Variants in NOL4 observed in about 807,000 individuals in gnomAD.
The protein encoded by NOL4 is cancer/testis antigen 125.
NOL4 carries 17 observed loss-of-function variants against 75.9 expected under a neutral mutation model. That is an observed-to-expected ratio of 0.22 (90% confidence interval 0.15 to 0.34). The LOEUF is 0.34. NOL4 is among the 10% of genes least tolerant of loss of function. NOL4 has a pLI of 1.00. For synonymous variants in NOL4, 292 were observed against 289.9 expected (o/e 1.01, Z -0.07); for missense variants, 614 against 793.5 (o/e 0.77, Z 2.72).
chr18:33,904,229 T>TGGAC lies in NOL4; in HGVS notation c.1543-20809_1543-20806dup, dbSNP rs576775644. 7.9e-5 allele frequency among the ~76,000 whole-genome samples: 12 copies of TGGAC among 152,186 alleles called. 1 individual carries two copies. The highest frequency in any genetic ancestry group is 7.9e-4 in the Admixed American group (12 of 15,264). On this transcript the variant is annotated intron_variant, in intron 9 of 10. Transcript: ENST00000261592. ...ATAGGGGTCCCATCGAGGGATAGTA[T>TGGAC]GGACCTAGGGCAGGTAGCCACACTA...
intron 8 of NOL4, among the ~76,000 whole-genome samples, chr18:33,948,652 T>G (rs1481336781): frequency 3.3e-5 from 5 of 151,970 alleles, no homozygotes; most frequent in Non-Finnish European, 7.4e-5. Context: ...AGTCAGAAAA[T>G]TATAAATAAG....
intron 9 of NOL4, among the ~76,000 whole-genome samples, chr18:33,919,911 G>T (rs1457039833): frequency 6.6e-6 from 1 of 152,082 alleles, no homozygotes; most frequent in African/African-American, 2.4e-5. Context: ...ATAGATGGGG[G>T]GCTGTGTGTG....
chr18:34,162,630 T>C (rs1199375874), intron 1 of NOL4, among the ~76,000 whole-genome samples: 1 of 152,272 alleles, frequency 6.6e-6, no homozygotes, highest in South Asian at 2.1e-4. Context: ...CAGGACCAGA[T>C]GGATTCACAG....
chr18:33,860,201 C>G (rs114964324), intron 10 of NOL4, among the ~76,000 whole-genome samples: 2,111 of 152,180 alleles, frequency 0.014, 47 homozygotes, highest in African/African-American at 0.048. Context: ...CCCACCAGGT[C>G]CCTCCCAAAA....
At chr18:34,075,554 T>C (rs1417429010) in intron 5 of NOL4, among the ~76,000 whole-genome samples, 1 of 152,196 alleles carries the variant, frequency 6.6e-6, no homozygotes. Flanking sequence ...CTTTTGAGCA[T>C]TTTGGGTTTC....
rs567901497 is a variant in NOL4 at position 33,892,627 on chromosome 18, C to T, written c.1543-9203G>A. Among the ~76,000 whole-genome samples, 5 of 117,382 alleles carry T rather than the reference C, an allele frequency of 4.3e-5. No individual in the cohort carries two copies. The East Asian group carries it at 8.5e-4, about 20-fold the overall frequency. The allele number at this position is 117,382 out of a possible 152,430, so 77.0% of individuals were successfully genotyped here. Reference sequence around the variant, plus strand: ...ATTTTATTCACCATGAAGTAATTTTCTTTTCTTCTTCTTCTCCTTCTCCTT... The same window carrying T: ...ATTTTATTCACCATGAAGTAATTTTTTTTTCTTCTTCTTCTCCTTCTCCTT... On this transcript the variant is annotated intron_variant, in intron 9 of 10. Transcript: ENST00000261592.
chr18:34,072,962 T>C (rs1261662771), intron 5 of NOL4, among the ~76,000 whole-genome samples: 2 of 152,138 alleles, frequency 1.3e-5, no homozygotes, highest in Non-Finnish European at 2.9e-5. Flanking sequence ...GAAAGAAATA[T>C]ATAGTTTTAT....
At chr18:34,152,537 A>G (rs1243929171) in intron 1 of NOL4, among the ~76,000 whole-genome samples, 1 of 151,952 alleles carries the variant, frequency 6.6e-6, no homozygotes, top group East Asian at 1.9e-4. Flanking sequence ...TCACTCTTGC[A>G]TACATTACTA....
chr18:33,889,671 T>C (rs576113379), intron 9 of NOL4, among the ~76,000 whole-genome samples: 1 of 152,112 alleles, frequency 6.6e-6, no homozygotes, highest in South Asian at 2.1e-4. Context: ...CAACAGCACA[T>C]CAAAAAGTTT....
At chr18:33,930,357 T>C (rs995341777) in intron 9 of NOL4, among the ~76,000 whole-genome samples, 1 of 152,122 alleles carries the variant, frequency 6.6e-6, no homozygotes, top group East Asian at 1.9e-4. Context: ...GGTAAGATGG[T>C]AAGTTTTCAG....
At chr18:34,207,565 C>T in intron 1 of NOL4, among the ~76,000 whole-genome samples, 1 of 152,204 alleles carries the variant, frequency 6.6e-6, no homozygotes, top group Non-Finnish European at 1.5e-5. Context: ...ATATTCTGCA[C>T]ATTCTTAGCT....
At chr18:34,015,681 G>A (rs1353455710) in intron 6 of NOL4, among the ~76,000 whole-genome samples, 1 of 151,800 alleles carries the variant, frequency 6.6e-6, no homozygotes, top group South Asian at 2.1e-4. Context: ...TCTTTAAAAT[G>A]TCTCTCTCTC....
intron 1 of NOL4, among the ~76,000 whole-genome samples, chr18:34,165,376 G>C (rs920367108): frequency 2.6e-5 from 4 of 152,006 alleles, no homozygotes; most frequent in African/African-American, 9.7e-5. Flanking sequence ...TAATTGAATG[G>C]GAAAGTAAGT....
chr18:34,057,832 C>G (rs2076894683), intron 5 of NOL4, among the ~76,000 whole-genome samples: 1 of 152,122 alleles, frequency 6.6e-6, no homozygotes, highest in Non-Finnish European at 1.5e-5. Context: ...AATTATTACA[C>G]AGTGTAAGTT....
At chr18:34,032,237 C>T (rs754388854) in intron 5 of NOL4, among the ~76,000 whole-genome samples, 8 of 152,178 alleles carry the variant, frequency 5.3e-5, no homozygotes, top group Non-Finnish European at 8.8e-5. Context: ...GCTGCTGCCA[C>T]GGAAGGTAGC....
At chr18:34,014,746 C>T (rs1002517106) in intron 6 of NOL4, among the ~76,000 whole-genome samples, 6 of 151,978 alleles carry the variant, frequency 3.9e-5, no homozygotes, top group Non-Finnish European at 8.8e-5. Flanking sequence ...TATCACCTAA[C>T]TTCATTCAGT....
intron 5 of NOL4, among the ~76,000 whole-genome samples, chr18:34,091,409 G>T (rs933158865): frequency 6.6e-6 from 1 of 151,824 alleles, no homozygotes; most frequent in Non-Finnish European, 1.5e-5. Context: ...CTTGACAGAA[G>T]GAGTTTGCCC....
At chr18:34,084,295 T>C (rs750480630) in intron 5 of NOL4, among the ~76,000 whole-genome samples, 1 of 152,238 alleles carries the variant, frequency 6.6e-6, no homozygotes, top group East Asian at 1.9e-4. Flanking sequence ...TCCAAGATAC[T>C]GCGGTCGCCC....
At chr18:33,874,068 G>A (rs2063821597) in intron 10 of NOL4, among the ~76,000 whole-genome samples, 1 of 151,898 alleles carries the variant, frequency 6.6e-6, no homozygotes, top group Non-Finnish European at 1.5e-5. Context: ...GATCATGGTA[G>A]AGAACTGGAT....
Sources: allele counts gnomAD v4.1 joint callset (sites outside exome capture counted in the v4.1 genomes callset), GRCh38; gene constraint gnomAD v4.1.1; transcripts MANE v1.5; gene names NCBI Gene and HGNC (gene_info 2026-07-23, HGNC 2026-07-21).